Variants in OPCML observed in about 807,000 individuals in gnomAD.
OPCML encodes the protein opioid binding protein/cell adhesion molecule like, also known as opioid-binding protein/cell adhesion molecule.
In OPCML, 13 loss-of-function variants were observed where a neutral mutation model predicts 37.8. The observed-to-expected ratio is 0.34, with a 90% confidence interval of 0.22 to 0.55. The LOEUF (loss-of-function observed/expected upper bound fraction) is 0.55, where lower values mean the gene tolerates loss of function less well. Ranked by LOEUF, OPCML falls within the 20% of genes least tolerant of loss-of-function variation. The probability of loss-of-function intolerance (pLI) is 0.91; values close to 1 mark genes in which losing one functional copy is unlikely to be tolerated. For missense variants in OPCML, 341 were observed against 435.6 expected, an observed-to-expected ratio of 0.78 and a Z score of 1.93; for synonymous variants, 176 against 168.8, an observed-to-expected ratio of 1.04 and a Z score of -0.33.
At chr11:133,415,707 G>A (rs968945800) in intron 1 of OPCML, among the ~76,000 whole-genome samples, 1 of 152,198 alleles carries the variant, frequency 6.6e-6, no homozygotes, top group African/African-American at 2.4e-5. Flanking sequence ...ACCTTGGAAT[G>A]GGGAGATTAT....
intron 4 of OPCML, among the ~76,000 whole-genome samples, chr11:132,511,190 T>C (rs2096268077): frequency 6.6e-6 from 1 of 152,156 alleles, no homozygotes; most frequent in Admixed American, 6.5e-5. Flanking sequence ...TTGAGATTTT[T>C]AAAATTTCCT....
At chr11:132,551,864 C>A (rs1450742300) in intron 3 of OPCML, among the ~76,000 whole-genome samples, 1 of 152,184 alleles carries the variant, frequency 6.6e-6, no homozygotes. Context: ...GTGAATTACT[C>A]TTTCTCTCTT....
At chr11:133,415,199 G>A (rs1354599681) in intron 1 of OPCML, among the ~76,000 whole-genome samples, 1 of 152,084 alleles carries the variant, frequency 6.6e-6, no homozygotes, top group African/African-American at 2.4e-5. Context: ...CACGAGGTCA[G>A]GAGATTGAGA....
chr11:133,271,258 G>A (rs1941821816), intron 1 of OPCML, among the ~76,000 whole-genome samples: 1 of 152,152 alleles, frequency 6.6e-6, no homozygotes, highest in Admixed American at 6.5e-5. Context: ...CCCAGAACCT[G>A]GCCCAGAGTA....
chr11:133,230,332 A>G (rs1287397383), intron 1 of OPCML, among the ~76,000 whole-genome samples: 1 of 152,206 alleles, frequency 6.6e-6, no homozygotes, highest in Non-Finnish European at 1.5e-5. Context: ...ACAGCCTTTC[A>G]TAAGCCCTAG....
At chr11:133,062,093 CA>C (rs1268319393) in intron 1 of OPCML, among the ~76,000 whole-genome samples, 1 of 152,158 alleles carries the variant, frequency 6.6e-6, no homozygotes, top group Non-Finnish European at 1.5e-5. Context: ...TGTGTCATTC[CA>C]AGGGTATATG....
intron 2 of OPCML, among the ~76,000 whole-genome samples, chr11:132,782,089 G>A (rs1947051112): frequency 6.6e-6 from 1 of 151,588 alleles, no homozygotes; most frequent in Admixed American, 6.6e-5. Flanking sequence ...CTCTGCAAAT[G>A]TTTGAAATGG....
At chr11:133,032,090 C>A (rs1332037390) in intron 1 of OPCML, among the ~76,000 whole-genome samples, 1 of 152,184 alleles carries the variant, frequency 6.6e-6, no homozygotes, top group East Asian at 1.9e-4. Context: ...TTTAATTTTT[C>A]CAACATCCCT....
intron 1 of OPCML, among the ~76,000 whole-genome samples, chr11:133,494,697 A>G: frequency 7.6e-6 from 1 of 132,338 alleles, no homozygotes; most frequent in African/African-American, 3.4e-5. Flanking sequence ...CAGGAAGGGG[A>G]ACATCACACT....
chr11:133,469,681 C>G (rs983003489), intron 1 of OPCML, among the ~76,000 whole-genome samples: 1 of 152,138 alleles, frequency 6.6e-6, no homozygotes, highest in Non-Finnish European at 1.5e-5. Flanking sequence ...CTTCAGACTC[C>G]TCCGTCTGAC....
intron 1 of OPCML, among the ~76,000 whole-genome samples, chr11:133,349,106 A>C (rs1276122441): frequency 1.3e-5 from 2 of 152,188 alleles, no homozygotes; most frequent in Non-Finnish European, 2.9e-5. Flanking sequence ...TAAGCAGTGC[A>C]TGTGCATGGT....
At chr11:133,417,401 G>A (rs1177291504) in intron 1 of OPCML, among the ~76,000 whole-genome samples, 1 of 152,182 alleles carries the variant, frequency 6.6e-6, no homozygotes, top group Non-Finnish European at 1.5e-5. Flanking sequence ...AAACTAAAAT[G>A]TAAAGAGAAT....
At chr11:133,023,135 T>G (rs1005896516) in intron 1 of OPCML, among the ~76,000 whole-genome samples, 4 of 152,234 alleles carry the variant, frequency 2.6e-5, no homozygotes, top group African/African-American at 7.2e-5. Flanking sequence ...GTGCAACAGT[T>G]GTAGGACTCA....
chr11:132,693,356 C>T (rs1943479412), intron 2 of OPCML, among the ~76,000 whole-genome samples: 1 of 152,124 alleles, frequency 6.6e-6, no homozygotes, highest in African/African-American at 2.4e-5. Flanking sequence ...TGATGAATGC[C>T]TACCTTAGCC....
chr11:132,658,013 G>A (rs1348083803), intron 2 of OPCML, among the ~76,000 whole-genome samples: 1 of 152,176 alleles, frequency 6.6e-6, no homozygotes, highest in Non-Finnish European at 1.5e-5. Flanking sequence ...GCAGGGAACT[G>A]TGCAACACCT....
intron 2 of OPCML, among the ~76,000 whole-genome samples, chr11:132,799,803 C>T (rs940577105): frequency 1.3e-5 from 2 of 152,048 alleles, no homozygotes; most frequent in African/African-American, 2.4e-5. Context: ...TGTTCTTATG[C>T]CAGTATGACT....
Position 133,117,736 on chromosome 11 carries a change from G to GA in OPCML, c.62-174727dup, listed in dbSNP as rs1230942910. On this transcript the variant is annotated intron_variant, in intron 1 of 7. Coordinates refer to ENST00000524381, the MANE Select transcript of OPCML (RefSeq NM_001012393.5). ...AAAAGTATTATCAACTGTAGGAAATGAAAATGAAAGTAATGTACAATTGCA... is the reference window on the plus strand; with the variant it reads ...AAAAGTATTATCAACTGTAGGAAATGAAAAATGAAAGTAATGTACAATTGCA... 8.5e-6 allele frequency: 8 copies of GA among 940,560 alleles called. No homozygotes were observed. In the Admixed American group the frequency reaches 3.1e-4, roughly 36 times the overall value. The allele number at this position is 940,560 out of a possible 1,614,324, so 58.3% of individuals were successfully genotyped here. A position where few individuals can be genotyped will look rare whatever the true frequency, so the allele number is the denominator to read the frequency against.
chr11:132,737,844 G>C (rs1334235423), intron 2 of OPCML, among the ~76,000 whole-genome samples: 1 of 152,188 alleles, frequency 6.6e-6, no homozygotes, highest in African/African-American at 2.4e-5. Context: ...GGAAAGAAGA[G>C]AAAGAGAGTT....
intron 1 of OPCML, among the ~76,000 whole-genome samples, chr11:133,373,448 T>TATATATATATATATATATAC (rs966091785): frequency 3.2e-4 from 42 of 132,158 alleles, no homozygotes; most frequent in Middle Eastern, 3.9e-3. Flanking sequence ...TATATATATA[T>TATATATATATATATATATAC]ACACACACAC....
Sources: gnomAD v4.1 joint callset for allele counts (sites outside exome capture counted in the v4.1 genomes callset) on GRCh38, gnomAD v4.1.1 for gene constraint, MANE v1.5 for transcripts, NCBI Gene and HGNC (gene_info 2026-07-23, HGNC 2026-07-21) for gene names.